The following OSBPL1A variants were observed in gnomAD, a reference collection of about 807,000 sequenced individuals.
The protein encoded by OSBPL1A is oxysterol binding protein like 1A.
OSBPL1A carries 80 observed loss-of-function variants against 137.1 expected under a neutral mutation model. That is an observed-to-expected ratio of 0.58 (90% CI 0.49 to 0.70). The LOEUF is 0.70. OSBPL1A is among the 30% of genes least tolerant of loss of function. OSBPL1A has a pLI of 0.00. For missense variants in OSBPL1A, 970 were observed against 1,129.4 expected, an observed-to-expected ratio of 0.86 and a Z score of 2.02; for synonymous variants, 365 against 389.7, an observed-to-expected ratio of 0.94 and a Z score of 0.75.
intron 7 of OSBPL1A, among the ~76,000 whole-genome samples, chr18:24,324,455 TAAAAAAAA>T (rs145135815): frequency 7.7e-5 from 1 of 12,982 alleles, no homozygotes; most frequent in Admixed American, 6.9e-4. Flanking sequence ...CTGAAAAAGT[TAAAAAAAA>T]AAAAAAAAAA....
Position 24,317,362 on chromosome 18 carries a change from C to G in OSBPL1A, c.771G>C (p.Val257=). The G allele has an allele frequency of 6.2e-7, 1 of 1,613,792 alleles. No individual in the cohort carries two copies. Residue 257 remains valine (V), a synonymous_variant, in exon 10 of 28, where the codon GTG becomes GTC. Coordinates refer to ENST00000319481, the MANE Select transcript of OSBPL1A (RefSeq NM_080597.4). ...ACCATGAAAGGACTCCATGCTCTAA[C>G]ACTACCCAGAATAATCTCCAGCCAA... ...RFFGWRLFWV[V]LEHGVLSWYR...
chr18:24,163,465 T>C (rs148203765), intron 27 of OSBPL1A, among the ~76,000 whole-genome samples, 184 bp from the exon 28 acceptor site: 1 of 152,306 alleles, frequency 6.6e-6, no homozygotes, highest in Non-Finnish European at 1.5e-5. Context: ...TGGAATAATA[T>C]TCCAAAAGGG....
Position 24,162,459 on chromosome 18 carries a change from A to AT in OSBPL1A, c.*719dup, listed in dbSNP as rs1254836487. 1 of 152,200 alleles carries AT rather than the reference A, an allele frequency of 6.6e-6. No individual in the cohort carries two copies. The highest frequency in any genetic ancestry group is 2.4e-5 in the African/African-American group (1 of 41,456). The allele number at this position is 152,200 out of a possible 1,614,324, so 9.4% of individuals were successfully genotyped here. A position where few individuals can be genotyped will look rare whatever the true frequency, so the allele number is the denominator to read the frequency against. ...CTAGGGCATTTTTGTGAATTGCTAG[A>AT]TTTTATACATATTTTCAGTTCAAAT... On this transcript the variant is annotated 3_prime_UTR_variant, in exon 28 of 28. Transcript: ENST00000319481.
Position 24,262,142 on chromosome 18 carries a change from G to T in OSBPL1A, c.1281+18700C>A, listed in dbSNP as rs1002974700. ...AATATTTTAAAATACGCCTACTTAG[G>T]AACTGATAATTGCATCATCAAATTT... is the stretch of plus-strand genomic sequence containing the variant. On this transcript the variant is annotated intron_variant, in intron 15 of 27. Coordinates refer to ENST00000319481, the MANE Select transcript of OSBPL1A (RefSeq NM_080597.4). Among the ~76,000 whole-genome samples, 3 of 152,070 alleles carry T rather than the reference G, an allele frequency of 2.0e-5. No individual in the cohort carries two copies. In the East Asian group the frequency reaches 5.8e-4, roughly 29 times the overall value.
chr18:24,335,534 G>C (rs1258234269), intron 5 of OSBPL1A, among the ~76,000 whole-genome samples: 2 of 152,222 alleles, frequency 1.3e-5, no homozygotes, highest in East Asian at 3.9e-4. Flanking sequence ...ATTTCTGCTA[G>C]ATCTGAATTC....
intron 17 of OSBPL1A, among the ~76,000 whole-genome samples, chr18:24,199,407 C>A (rs1233614070): frequency 6.6e-6 from 1 of 151,922 alleles, no homozygotes; most frequent in Non-Finnish European, 1.5e-5. Flanking sequence ...AGCTGCTATG[C>A]ACTTCAGCCT....
chr18:24,234,723 G>A (rs1002117510), intron 16 of OSBPL1A, among the ~76,000 whole-genome samples: 5 of 152,130 alleles, frequency 3.3e-5, no homozygotes, highest in Non-Finnish European at 5.9e-5. Context: ...AAAGTAACAC[G>A]AGTTAACAAC....
chr18:24,371,181 G>C lies in OSBPL1A; in HGVS notation c.122-2809C>G, dbSNP rs1041870033. Among the ~76,000 whole-genome samples the C allele has an allele frequency of 9.2e-5, 14 of 151,962 alleles. No homozygotes were observed. In the East Asian group the frequency reaches 2.5e-3, roughly 27 times the overall value. On this transcript the variant is annotated intron_variant, in intron 2 of 27. Coordinates refer to ENST00000319481, the MANE Select transcript of OSBPL1A (RefSeq NM_080597.4). ...AACCACACCCAGGTCGCTAACCAAC[G>C]GTGAAGAAAAACAACAGAGCCCTGT...
At chr18:24,197,421 T>C (rs981119544) in intron 17 of OSBPL1A, among the ~76,000 whole-genome samples, 1 of 152,248 alleles carries the variant, frequency 6.6e-6, no homozygotes, top group Non-Finnish European at 1.5e-5. Flanking sequence ...GCTAAAATAT[T>C]AGATATTTTA....
Position 24,162,396 on chromosome 18 carries a change from G to A in OSBPL1A, c.*783C>T, listed in dbSNP as rs370065345. Reference sequence around the variant, plus strand: ...CACTGGAAGTGGAAGCATTTAACAAGGTTTGTCATTATGTAATGGTGATTA... The same window carrying A: ...CACTGGAAGTGGAAGCATTTAACAAAGTTTGTCATTATGTAATGGTGATTA... On this transcript the variant is annotated 3_prime_UTR_variant, in exon 28 of 28. Transcript: ENST00000319481. 1 of 152,156 alleles carries A rather than the reference G, an allele frequency of 6.6e-6. No individual in the cohort carries two copies. The highest frequency in any genetic ancestry group is 1.5e-5 in the Non-Finnish European group (1 of 68,024). The allele number at this position is 152,156 out of a possible 1,614,324, so 9.4% of individuals were successfully genotyped here. A position where few individuals can be genotyped will look rare whatever the true frequency, so the allele number is the denominator to read the frequency against.
chr18:24,320,484 C>G (rs2588567), intron 7 of OSBPL1A, among the ~76,000 whole-genome samples: 24,109 of 151,946 alleles, frequency 0.16, 2,085 homozygotes, highest in African/African-American at 0.23. Flanking sequence ...TGTGAAAATA[C>G]AGGGAAGGAC....
chr18:24,376,446 AT>A (rs896793989), intron 2 of OSBPL1A, among the ~76,000 whole-genome samples: 2 of 152,176 alleles, frequency 1.3e-5, no homozygotes, highest in African/African-American at 4.8e-5. Context: ...CGATTGGTGT[AT>A]TTACAATCCC....
intron 2 of OSBPL1A, among the ~76,000 whole-genome samples, chr18:24,371,748 A>G (rs1483899001): frequency 6.6e-6 from 1 of 152,104 alleles, no homozygotes; most frequent in African/African-American, 2.4e-5. Context: ...ATTGCAGATG[A>G]GGCTCATCTC....
At position 24,164,765 on chromosome 18, in the gene OSBPL1A, G is replaced by A. The variant is rs1009670026; in HGVS notation, c.2750+300C>T. Among the ~76,000 whole-genome samples, 4 of 152,106 alleles carry A rather than the reference G, an allele frequency of 2.6e-5. No homozygotes were observed. The South Asian group carries it at 8.3e-4, about 32-fold the overall frequency. Reference sequence around the variant, plus strand: ...AAAAAACTTAACTACCATAGGATCCGGCACTCCCACTACTGGGTATCCAAA... The same window carrying A: ...AAAAAACTTAACTACCATAGGATCCAGCACTCCCACTACTGGGTATCCAAA... On this transcript the variant is annotated intron_variant, in intron 27 of 27. Transcript: ENST00000319481.
At chr18:24,202,586 C>A (rs569645790) in intron 17 of OSBPL1A, among the ~76,000 whole-genome samples, 22 of 152,288 alleles carry the variant, frequency 1.4e-4, no homozygotes, top group Non-Finnish European at 3.1e-4. Flanking sequence ...AATCTACCTA[C>A]CTGGGAAGGC....
intron 18 of OSBPL1A, among the ~76,000 whole-genome samples, chr18:24,188,273 C>A (rs1243828523): frequency 6.6e-6 from 1 of 152,224 alleles, no homozygotes; most frequent in South Asian, 2.1e-4. Context: ...CATTTCTCCA[C>A]ATCCAGCTCC....
intron 14 of OSBPL1A, among the ~76,000 whole-genome samples, chr18:24,298,851 T>C (rs2090345748): frequency 6.6e-6 from 1 of 152,222 alleles, no homozygotes; most frequent in African/African-American, 2.4e-5. Context: ...ACTATTACCA[T>C]GTTGCTGTCT....
At chr18:24,239,508 G>T in intron 15 of OSBPL1A, 126 bp from the exon 16 acceptor site, 3 of 908,998 alleles carry the variant, frequency 3.3e-6, no homozygotes, top group Non-Finnish European at 4.9e-6. Flanking sequence ...AAACAGTCGT[G>T]TCACATGTGC....
intron 15 of OSBPL1A, among the ~76,000 whole-genome samples, chr18:24,274,711 C>T (rs543732287): frequency 9.9e-5 from 15 of 152,186 alleles, no homozygotes; most frequent in African/African-American, 3.4e-4. Context: ...AGTTTGAGAC[C>T]AGCCTGGTTA....
Sources: allele counts gnomAD v4.1 joint callset (sites outside exome capture counted in the v4.1 genomes callset), GRCh38; gene constraint gnomAD v4.1.1; transcripts MANE v1.5; gene names NCBI Gene and HGNC (gene_info 2026-07-23, HGNC 2026-07-21).